Variants in ATXN10 observed in about 807,000 individuals in gnomAD.
The protein encoded by ATXN10 is ataxin-10.
Under a neutral mutation model 52.9 loss-of-function variants are expected in ATXN10, and 28 were observed. The ratio of observed to expected loss-of-function variants is 0.53; its 90% CI spans 0.39 to 0.73. The LOEUF (loss-of-function observed/expected upper bound fraction) is 0.73, where lower values mean the gene tolerates loss of function less well. Among genes scored for constraint, ATXN10 ranks in the 30% least tolerant of loss-of-function variants. The probability of loss-of-function intolerance (pLI) is 0.00; values close to 1 mark genes in which losing one functional copy is unlikely to be tolerated. For missense variants in ATXN10, 565 were observed against 577.0 expected (o/e 0.98, Z 0.21); for synonymous variants, 226 against 221.5 (o/e 1.02, Z -0.18).
At chr22:45,722,623 G>A (rs1283745773) in intron 6 of ATXN10, among the ~76,000 whole-genome samples, 1 of 152,162 alleles carries the variant, frequency 6.6e-6, no homozygotes, top group Non-Finnish European at 1.5e-5. Context: ...AGCCAGAGGA[G>A]GCTGGCCTGT....
At chr22:45,793,647 C>T in intron 9 of ATXN10, 1 of 1,393,304 alleles carries the variant, frequency 7.2e-7, no homozygotes. Context: ...CCAGCCTTTG[C>T]CAAGGATGCA....
chr22:45,729,276 C>G, intron 6 of ATXN10, 149 bp from the exon 7 acceptor site: 1 of 775,988 alleles, frequency 1.3e-6, no homozygotes, highest in South Asian at 1.7e-5. Flanking sequence ...TGAAGATTAA[C>G]TTTATTCATG....
At chr22:45,693,203 T>TA (rs1923454186) in intron 3 of ATXN10, 125 bp downstream of exon 3, 1 of 795,708 alleles carries the variant, frequency 1.3e-6, no homozygotes, top group Admixed American at 2.2e-5. Flanking sequence ...GAAACTTTAA[T>TA]AGTGAATTAT....
At position 45,800,062 on chromosome 22, in the gene ATXN10, A is replaced by G. The variant is rs1927880441; in HGVS notation, c.1174-6897A>G. ...TTGTAGAAGAAAACATTATGGATAT[A>G]TTGAAGTAGGCCAGGACTTTTTAGA... On this transcript the variant is annotated intron_variant, in intron 9 of 11. Coordinates refer to ENST00000252934, the MANE Select transcript of ATXN10 (RefSeq NM_013236.4). Among the ~76,000 whole-genome samples the G allele has an allele frequency of 2.0e-5, 3 of 152,378 alleles. No individual in the cohort carries two copies. In the South Asian group the frequency reaches 6.2e-4, roughly 32 times the overall value.
intron 6 of ATXN10, among the ~76,000 whole-genome samples, chr22:45,722,798 C>G (rs540166641): frequency 1.3e-5 from 2 of 152,116 alleles, no homozygotes; most frequent in Non-Finnish European, 2.9e-5. Context: ...TCAGGACTGC[C>G]CATTTGGGAT....
chr22:45,793,010 A>G (rs1380740334), intron 9 of ATXN10: 4 of 299,838 alleles, frequency 1.3e-5, no homozygotes, highest in Admixed American at 3.5e-5. Flanking sequence ...GCTTTCTCCT[A>G]ATAGCCCAGC....
In ATXN10 at chr22:45,728,147, A is replaced by T. The variant is rs1924952059; in HGVS notation, c.729-1278A>T. On this transcript the variant is annotated intron_variant, in intron 6 of 11. Transcript: ENST00000252934. The surrounding 1 kb of genome is among the most constrained non-coding windows in gnomAD (Gnocchi z 4.3). ...AGCCATCATGTTGATTGTTACCTGG[A>T]TATTTTGTGTTCTCCATTGTGTTAC... Among the ~76,000 whole-genome samples, 1 of 151,802 alleles carries T rather than the reference A, an allele frequency of 6.6e-6. No homozygotes were observed. The highest frequency in any genetic ancestry group is 2.4e-5 in the African/African-American group (1 of 41,326).
rs930889608 is a variant in ATXN10, at chr22:45,681,151, G to A, written c.117-8561G>A. On this transcript the variant is annotated intron_variant, in intron 1 of 11. Coordinates refer to ENST00000252934, the MANE Select transcript of ATXN10 (RefSeq NM_013236.4). This position sits in a 1 kb window ranked among gnomAD's most constrained non-coding sequence, Gnocchi z 4.2. ...TCATTCCTTGAAGAGTTTAGCCCTG[G>A]CTCACTTTTCACTCTATTTCTTCTC... 1.3e-5 allele frequency among the ~76,000 whole-genome samples: 2 copies of A among 152,016 alleles called. No individual in the cohort carries two copies. Among genetic ancestry groups the A allele is most frequent in the Non-Finnish European group, 2.9e-5 (2 of 68,004 alleles).
Position 45,726,881 on chromosome 22 carries a change from C to T in ATXN10, c.729-2544C>T, listed in dbSNP as rs547910740. Among the ~76,000 whole-genome samples the T allele has an allele frequency of 2.7e-4, 41 of 152,218 alleles. No individual in the cohort carries two copies. In the South Asian group the frequency reaches 3.7e-3, roughly 14 times the overall value. On this transcript the variant is annotated intron_variant, in intron 6 of 11. Coordinates refer to ENST00000252934, the MANE Select transcript of ATXN10 (RefSeq NM_013236.4). The stretch of plus-strand genomic sequence containing the variant: ...ATATTTTGTAGAGACAGTATTTCAC[C>T]GTGTCGCCCGGGCTGGTCTCAAACT...
chr22:45,680,348 A>G (rs758331300), intron 1 of ATXN10, among the ~76,000 whole-genome samples: 6 of 152,220 alleles, frequency 3.9e-5, no homozygotes, highest in Non-Finnish European at 7.3e-5. Flanking sequence ...AAGTGGTAAG[A>G]TACACCATTG....
intron 9 of ATXN10, among the ~76,000 whole-genome samples, chr22:45,745,284 T>C (rs913609266): frequency 1.3e-5 from 2 of 152,198 alleles, no homozygotes; most frequent in African/African-American, 4.8e-5. Context: ...AACCAAACGT[T>C]TATTTCATAA....
At chr22:45,788,306 G>T (rs376308095) in intron 9 of ATXN10, among the ~76,000 whole-genome samples, 12 of 151,924 alleles carry the variant, frequency 7.9e-5, no homozygotes, top group East Asian at 1.9e-4. Flanking sequence ...CTTGAGTCCC[G>T]CATCCCCAGA....
rs77467929 is a variant in ATXN10 at position 45,771,844 on chromosome 22, A to G, written c.1173+31306A>G. On this transcript the variant is annotated intron_variant, in intron 9 of 11. Transcript: ENST00000252934. ...TGCTGTGTTGTCCAGACTGACCTCA[A>G]ATTCCTTGGGCTCAAGCCATCCTCC... 7.7e-3 allele frequency among the ~76,000 whole-genome samples: 1,176 copies of G among 152,224 alleles called. 19 individuals carry two copies. Among genetic ancestry groups the G allele is most frequent in the African/African-American group, 0.027 (1,123 of 41,536 alleles).
At chr22:45,738,303 A>C (rs1367070098) in intron 7 of ATXN10, among the ~76,000 whole-genome samples, 4 of 152,240 alleles carry the variant, frequency 2.6e-5, no homozygotes. Flanking sequence ...TTCTGTGGAC[A>C]AGAAATTAAT....
chr22:45,784,322 A>G lies in ATXN10; in HGVS notation c.1174-22637A>G, dbSNP rs1174141686. 6.6e-6 allele frequency among the ~76,000 whole-genome samples: 1 copy of G among 152,176 alleles called. No individual in the cohort carries two copies. The highest frequency in any genetic ancestry group is 1.5e-5 in the Non-Finnish European group (1 of 68,030). On this transcript the variant is annotated intron_variant, in intron 9 of 11. Coordinates refer to ENST00000252934, the MANE Select transcript of ATXN10 (RefSeq NM_013236.4). The surrounding 1 kb of genome is among the most constrained non-coding windows in gnomAD (Gnocchi z 4.2). ...ACATTATTTTCTACCTTGCAAAACC[A>G]TTAGGAATACCAAATATTTGCATGG...
intron 5 of ATXN10, among the ~76,000 whole-genome samples, chr22:45,714,549 T>A (rs1257592439): frequency 6.6e-6 from 1 of 151,962 alleles, no homozygotes; most frequent in Non-Finnish European, 1.5e-5. Context: ...CCTGGCTGAT[T>A]AATTTTTTAT....
rs1211454109 is a variant in ATXN10, at chr22:45,795,765, T to G, written c.1174-11194T>G. 6.6e-6 allele frequency among the ~76,000 whole-genome samples: 1 copy of G among 152,198 alleles called. No individual in the cohort carries two copies. The highest frequency in any genetic ancestry group is 2.4e-5 in the African/African-American group (1 of 41,446). On this transcript the variant is annotated intron_variant, in intron 9 of 11. Transcript: ENST00000252934. The surrounding 1 kb of genome is among the most constrained non-coding windows in gnomAD (Gnocchi z 4.6). Reference sequence around the variant, plus strand: ...GTCTCTGAACATAAATTGTGAAGATTTCATGGACATTTATCACTTCCCTAA... The same window carrying G: ...GTCTCTGAACATAAATTGTGAAGATGTCATGGACATTTATCACTTCCCTAA...
At chr22:45,721,951 C>G (rs934867079) in intron 6 of ATXN10, among the ~76,000 whole-genome samples, 1 of 151,804 alleles carries the variant, frequency 6.6e-6, no homozygotes. Flanking sequence ...AAACAGGAAT[C>G]GTAATTTTAA....
At chr22:45,724,440 A>T (rs1045974003) in intron 6 of ATXN10, among the ~76,000 whole-genome samples, 2 of 151,790 alleles carry the variant, frequency 1.3e-5, no homozygotes, top group Non-Finnish European at 2.9e-5. Flanking sequence ...GCATTTTTTC[A>T]TGTTTGTTGG....
Sources: gnomAD v4.1 joint callset for allele counts (sites outside exome capture counted in the v4.1 genomes callset) on GRCh38, gnomAD v4.1.1 for gene constraint, Gnocchi (gnomAD v3.1) non-coding constraint, MANE v1.5 for transcripts, NCBI Gene and HGNC (gene_info 2026-07-23, HGNC 2026-07-21) for gene names.